Variants in E2F8 observed in about 807,000 individuals in gnomAD.
The protein encoded by E2F8 is transcription factor E2F8.
In E2F8, 35 loss-of-function variants were observed where a neutral mutation model predicts 80.8. The ratio of observed to expected loss-of-function variants is 0.43; its 90% CI spans 0.33 to 0.57. E2F8 has a LOEUF of 0.57. Ranked by LOEUF, E2F8 falls within the 20% of genes least tolerant of loss-of-function variation. The pLI is 0.04. For synonymous variants in E2F8, 386 were observed against 395.0 expected (o/e 0.98, Z 0.27); for missense variants, 975 against 1,056.2 (o/e 0.92, Z 1.07).
In E2F8 at chr11:19,224,377, AT is replaced by A; in HGVS notation, c.*280del. 3.7e-6 allele frequency: 1 copy of A among 273,770 alleles called. No individual in the cohort carries two copies. The highest frequency in any genetic ancestry group is 4.8e-5 in the Admixed American group (1 of 20,680). The allele number at this position is 273,770 out of a possible 1,614,324, so 17.0% of individuals were successfully genotyped here. A position where few individuals can be genotyped will look rare whatever the true frequency, so the allele number is the denominator to read the frequency against. ...AGTATAGGCATAGCTAAAATAATGG[AT>A]TTTTCCCCCTAGAAGTTAATATATC... On this transcript the variant is annotated 3_prime_UTR_variant, in exon 13 of 13. Transcript: ENST00000250024.
At chr11:19,235,678 A>C (rs890516202) in intron 4 of E2F8, among the ~76,000 whole-genome samples, 33 of 147,542 alleles carry the variant, frequency 2.2e-4, no homozygotes, top group African/African-American at 7.9e-4. Context: ...AAAAAAAAAA[A>C]CGATGAGAAA....
chr11:19,224,651 C>G lies in E2F8; in HGVS notation c.*7G>C. On this transcript the variant is annotated 3_prime_UTR_variant, in exon 13 of 13. Coordinates refer to ENST00000250024, the MANE Select transcript of E2F8 (RefSeq NM_024680.4). ...TTAGAAAATTAAACTAAGCCAACAT[C>G]TGTTGATTAATGGACATCCTCTGTT... 1 of 1,612,538 alleles carries G rather than the reference C, an allele frequency of 6.2e-7. No individual in the cohort carries two copies. The highest frequency in any genetic ancestry group is 8.5e-7 in the Non-Finnish European group (1 of 1,178,772).
At chr11:19,238,286 G>A (rs753432968) in intron 2 of E2F8, among the ~76,000 whole-genome samples, 154 bp from the exon 3 acceptor site, 1 of 152,130 alleles carries the variant, frequency 6.6e-6, no homozygotes, top group Non-Finnish European at 1.5e-5. Context: ...GTATTCTAAT[G>A]GTCATGTGAT....
chr11:19,228,579 A>G (rs1202653441), intron 10 of E2F8, among the ~76,000 whole-genome samples: 1 of 152,252 alleles, frequency 6.6e-6, no homozygotes, highest in Non-Finnish European at 1.5e-5. Context: ...AGTGCTTTAT[A>G]TCCAGTAGGT....
chr11:19,236,559 C>G (rs925805202), intron 4 of E2F8, among the ~76,000 whole-genome samples: 1 of 152,154 alleles, frequency 6.6e-6, no homozygotes, highest in African/African-American at 2.4e-5. Flanking sequence ...TCCTACCCAG[C>G]TACCATTAAG....
At position 19,234,182 on chromosome 11, in the gene E2F8, T is replaced by C. The variant is rs546336471; in HGVS notation, c.928+178A>G. ...AAAAAAAAAAGAGTAGTGATACTTA[T>C]GTATCATAACAAGTTAGCTAAATCA... On this transcript the variant is annotated intron_variant, in intron 6 of 12. Coordinates refer to ENST00000250024, the MANE Select transcript of E2F8 (RefSeq NM_024680.4). Among the ~76,000 whole-genome samples, 140 of 150,200 alleles carry C rather than the reference T, an allele frequency of 9.3e-4. 1 individual carries two copies. The highest frequency in any genetic ancestry group is 8.1e-4 in the Non-Finnish European group (55 of 67,684).
At position 19,240,214 on chromosome 11, in the gene E2F8, C is replaced by A; in HGVS notation, c.-93G>T. ...GGTTCAAGTAGTCCAATCAATTGTACTAAAAGTTTTAATATCCTTAAAGAA... is the reference window on the plus strand; with the variant it reads ...GGTTCAAGTAGTCCAATCAATTGTAATAAAAGTTTTAATATCCTTAAAGAA... On this transcript the variant is annotated 5_prime_UTR_variant, in exon 2 of 13. Transcript: ENST00000250024. 2.5e-6 allele frequency: 2 copies of A among 785,474 alleles called. No homozygotes were observed. The highest frequency in any genetic ancestry group is 3.0e-5 in the South Asian group (1 of 32,882). 48.7% of individuals were successfully genotyped at this position (785,474 alleles called of 1,614,324 possible). A position where few individuals can be genotyped will look rare whatever the true frequency, so the allele number is the denominator to read the frequency against.
chr11:19,224,998 A>G, intron 12 of E2F8, 158 bp from the exon 13 acceptor site: 2 of 1,141,152 alleles, frequency 1.8e-6, no homozygotes, highest in Non-Finnish European at 2.4e-6. Flanking sequence ...TTACATTCTC[A>G]ATTATTTTTG....
Position 19,230,279 on chromosome 11 carries a change from G to A in E2F8, c.1320C>T (p.Leu440=), listed in dbSNP as rs11821023. 158,227 of 1,613,522 alleles carry A rather than the reference G, an allele frequency of 0.098. 8,147 individuals are homozygous for A. The highest frequency in any genetic ancestry group is 0.13 in the East Asian group (5,778 of 44,872). The change falls in exon 9 of 13, where the codon CTC becomes CTT. Residue 440 remains leucine, a synonymous_variant. Transcript: ENST00000250024. ...CTAACTGCATTTTACAAATAGCTGC[G>A]AGCTGAGCCATTTTACTTGGGAAGG... ...SAPFPSKMAQ[L]AAICKMQLEE...
At chr11:19,226,885 A>G (rs891752327) in intron 10 of E2F8, among the ~76,000 whole-genome samples, 1 of 152,240 alleles carries the variant, frequency 6.6e-6, no homozygotes, top group Non-Finnish European at 1.5e-5. Flanking sequence ...ATTAATTCAT[A>G]TTAGAGACGC....
intron 7 of E2F8, 110 bp from the exon 8 acceptor site, chr11:19,230,944 A>G: frequency 2.2e-6 from 2 of 915,598 alleles, no homozygotes; most frequent in East Asian, 2.6e-5. Context: ...AGCACCGACC[A>G]TGTGCCTGTC....
chr11:19,233,702 T>A (rs897859382), intron 6 of E2F8, among the ~76,000 whole-genome samples: 15 of 151,848 alleles, frequency 9.9e-5, no homozygotes, highest in African/African-American at 3.4e-4. Context: ...GTTAGCCAGG[T>A]TGGTCTGGAT....
In E2F8 at chr11:19,224,390, G is replaced by A. The variant is rs545613697; in HGVS notation, c.*268C>T. 21 of 292,800 alleles carry A rather than the reference G, an allele frequency of 7.2e-5. No homozygotes were observed. Among genetic ancestry groups the A allele is most frequent in the African/African-American group, 3.5e-4 (16 of 46,184 alleles). The allele number at this position is 292,800 out of a possible 1,614,324, so 18.1% of individuals were successfully genotyped here. Reference sequence around the variant, plus strand: ...CTAAAATAATGGATTTTTCCCCCTAGAAGTTAATATATCTTAGAGTTCAAC... The same window carrying A: ...CTAAAATAATGGATTTTTCCCCCTAAAAGTTAATATATCTTAGAGTTCAAC... On this transcript the variant is annotated 3_prime_UTR_variant, in exon 13 of 13. Coordinates refer to ENST00000250024, the MANE Select transcript of E2F8 (RefSeq NM_024680.4).
chr11:19,225,339 A>T lies in E2F8; in HGVS notation c.2303T>A (p.Val768Asp). ...IVPVSPRIES[V>D]NVAPENAGTQ... ...GCCTGCATTTTCTGGTGCGACATTA[A>T]CAGACTCTATTCTTGGAGACACAGG... Residue 768 changes from valine to aspartate, a missense_variant, in exon 12 of 13, where the codon GTT becomes GAT. Val to Asp is a radical substitution (Grantham distance 152). Coordinates refer to ENST00000250024, the MANE Select transcript of E2F8 (RefSeq NM_024680.4). 6.2e-7 allele frequency: 1 copy of T among 1,614,132 alleles called. No individual in the cohort carries two copies. Among genetic ancestry groups the T allele is most frequent in the African/African-American group, 1.3e-5 (1 of 75,022 alleles).
chr11:19,233,356 C>T (rs1851427808), intron 6 of E2F8, among the ~76,000 whole-genome samples: 1 of 152,210 alleles, frequency 6.6e-6, no homozygotes, highest in Non-Finnish European at 1.5e-5. Context: ...ACCTGTGCTG[C>T]AGGTCACTTC....
intron 7 of E2F8, 87 bp downstream of exon 7, chr11:19,232,147 G>A (rs1763052568): frequency 1.3e-6 from 2 of 1,543,586 alleles, no homozygotes; most frequent in Non-Finnish European, 1.8e-6. Flanking sequence ...TGGACACAGG[G>A]AGGGGAACAA....
rs1439905956 is a variant in E2F8 at position 19,240,145 on chromosome 11, G to A, written c.-24C>T. 6.8e-7 allele frequency: 1 copy of A among 1,480,034 alleles called. No individual in the cohort carries two copies. The highest frequency in any genetic ancestry group is 9.1e-7 in the Non-Finnish European group (1 of 1,104,074). The allele number at this position is 1,480,034 out of a possible 1,614,324, so 91.7% of individuals were successfully genotyped here. ...ATTCTGTAAATTCCTCATACATTTA[G>A]AGTTTAAAAATGAAAAATCTGGAGT... On this transcript the variant is annotated 5_prime_UTR_variant, in exon 2 of 13. Coordinates refer to ENST00000250024, the MANE Select transcript of E2F8 (RefSeq NM_024680.4).
chr11:19,233,403 T>C (rs771537051), intron 6 of E2F8, among the ~76,000 whole-genome samples: 2 of 152,220 alleles, frequency 1.3e-5, no homozygotes, highest in Non-Finnish European at 2.9e-5. Flanking sequence ...AAACCCTCTG[T>C]AATCAGCATC....
chr11:19,233,832 G>T (rs185233616), intron 6 of E2F8, among the ~76,000 whole-genome samples: 1 of 151,822 alleles, frequency 6.6e-6, no homozygotes, highest in Non-Finnish European at 1.5e-5. Context: ...ATGAAGCAAT[G>T]TGTCAAATAA....
Sources: gnomAD v4.1 joint callset for allele counts (sites outside exome capture counted in the v4.1 genomes callset) on GRCh38, gnomAD v4.1.1 for gene constraint, MANE v1.5 for transcripts, NCBI Gene and HGNC (gene_info 2026-07-23, HGNC 2026-07-21) for gene names.